Variants in PBX1 observed in about 807,000 individuals in gnomAD.
The protein encoded by PBX1 is PBX homeobox 1.
Under a neutral mutation model 53.4 loss-of-function variants are expected in PBX1, and 6 were observed. The observed-to-expected ratio is 0.11, with a 90% confidence interval of 0.06 to 0.22. The LOEUF (loss-of-function observed/expected upper bound fraction) is 0.22. PBX1 is among the 10% of genes least tolerant of loss of function. The pLI, the probability that PBX1 is intolerant of heterozygous loss-of-function variation, is 1.00. For missense variants in PBX1, 251 were observed against 551.4 expected (o/e 0.46, Z 5.46); for synonymous variants, 204 against 212.3 (o/e 0.96, Z 0.34).
Position 164,651,959 on chromosome 1 carries a change from G to A in PBX1, c.265+88648G>A, listed in dbSNP as rs947940457. On this transcript the variant is annotated intron_variant, in intron 2 of 8. Coordinates refer to ENST00000420696, the MANE Select transcript of PBX1 (RefSeq NM_002585.4). ...TGTGTGTGTGTGTGTGTGTGTGTGT[G>A]TGTGTGTGTGTAAGGAAAAGTAGAA... The A allele has an allele frequency of 1.3e-4, 20 of 153,048 alleles. 1 individual carries two copies. Among genetic ancestry groups the A allele is most frequent in the Non-Finnish European group, 4.3e-5 (3 of 69,020 alleles). The allele number at this position is 153,048 out of a possible 1,614,324, so 9.5% of individuals were successfully genotyped here.
At chr1:164,638,218 G>T (rs1179417946) in intron 2 of PBX1, among the ~76,000 whole-genome samples, 4 of 152,214 alleles carry the variant, frequency 2.6e-5, no homozygotes, top group African/African-American at 9.6e-5. Flanking sequence ...GGTCACTTGC[G>T]CAGATTTCTG....
chr1:164,875,624 C>T (rs1672484820), intron 2 of PBX1, among the ~76,000 whole-genome samples: 1 of 152,076 alleles, frequency 6.6e-6, no homozygotes, highest in African/African-American at 2.4e-5. Context: ...AGATGAGTCC[C>T]ACCTTGGGCA....
chr1:164,569,234 T>C (rs537705804), intron 2 of PBX1, among the ~76,000 whole-genome samples: 3 of 152,302 alleles, frequency 2.0e-5, no homozygotes, highest in Admixed American at 1.3e-4. Flanking sequence ...TCCTAGATCT[T>C]TTACTTCTTA....
intron 2 of PBX1, among the ~76,000 whole-genome samples, chr1:164,649,150 T>C (rs1396771482): frequency 6.6e-6 from 1 of 152,170 alleles, no homozygotes; most frequent in East Asian, 1.9e-4. Context: ...CCCACCGCCA[T>C]GCGCTTAGTC....
chr1:164,727,367 TA>T, intron 2 of PBX1, among the ~76,000 whole-genome samples: 1 of 152,206 alleles, frequency 6.6e-6, no homozygotes, highest in Non-Finnish European at 1.5e-5. Flanking sequence ...TTAATAAAAC[TA>T]AATCAGGTTA....
intron 2 of PBX1, among the ~76,000 whole-genome samples, chr1:164,605,766 A>C (rs1656504685): frequency 6.6e-6 from 1 of 152,222 alleles, no homozygotes; most frequent in Admixed American, 6.5e-5. Flanking sequence ...GGTTTAAATA[A>C]ACAAACTTTT....
chr1:164,770,375 C>G (rs953514626), intron 2 of PBX1: 1 of 152,184 alleles, frequency 6.6e-6, no homozygotes, highest in South Asian at 2.1e-4. Context: ...GTTGGGAAAT[C>G]TTCATAATCA....
chr1:164,619,806 A>T (rs1468456410), intron 2 of PBX1, among the ~76,000 whole-genome samples: 1 of 152,192 alleles, frequency 6.6e-6, no homozygotes, highest in African/African-American at 2.4e-5. Context: ...GTAGGGCTGG[A>T]AGCAATTTTT....
At chr1:164,720,380 A>T (rs966513090) in intron 2 of PBX1, among the ~76,000 whole-genome samples, 4 of 152,082 alleles carry the variant, frequency 2.6e-5, no homozygotes, top group African/African-American at 9.7e-5. Context: ...CTTTTACTGT[A>T]TGTGAAGTCA....
chr1:164,817,862 G>A (rs1669954818), intron 6 of PBX1: 1 of 152,206 alleles, frequency 6.6e-6, no homozygotes, highest in South Asian at 2.1e-4. Flanking sequence ...TTATGTTTAG[G>A]CTAGATTTAC....
chr1:164,796,410 G>T (rs190453090), intron 3 of PBX1, among the ~76,000 whole-genome samples: 1 of 152,152 alleles, frequency 6.6e-6, no homozygotes, highest in Non-Finnish European at 1.5e-5. Flanking sequence ...TTATCTTGTG[G>T]CTTTGTAGGA....
intron 4 of PBX1, among the ~76,000 whole-genome samples, chr1:164,801,102 T>C (rs1333214708): frequency 1.3e-5 from 2 of 152,196 alleles, no homozygotes; most frequent in East Asian, 3.8e-4. Context: ...GAATATAACA[T>C]GAGAATGCCG....
intron 2 of PBX1, among the ~76,000 whole-genome samples, chr1:164,632,612 A>G (rs966050735): frequency 3.9e-5 from 6 of 152,214 alleles, no homozygotes; most frequent in Non-Finnish European, 5.9e-5. Flanking sequence ...CGTGGATTCA[A>G]CACTGTGCAA....
At chr1:164,784,920 CAATAATATCTTACCTTCAATACA>C (rs1476373084) in intron 2 of PBX1, among the ~76,000 whole-genome samples, 2 of 152,196 alleles carry the variant, frequency 1.3e-5, no homozygotes, top group African/African-American at 4.8e-5. Flanking sequence ...GGCTTAAAAA[CAATAATATCTTACCTTCAATACA>C]AATCCCCCAC....
chr1:164,624,734 A>G (rs930317032), intron 2 of PBX1, among the ~76,000 whole-genome samples: 5 of 152,074 alleles, frequency 3.3e-5, no homozygotes, highest in African/African-American at 1.2e-4. Context: ...GGTTTTTTTT[A>G]TTCATGTGTA....
intron 2 of PBX1, among the ~76,000 whole-genome samples, chr1:164,870,333 C>CTT (rs1238655562): frequency 3.9e-4 from 41 of 105,294 alleles, no homozygotes; most frequent in Non-Finnish European, 6.2e-4. Flanking sequence ...TTCTTTCTTT[C>CTT]TTTCTTTCTT....
At chr1:164,812,188 G>T in intron 6 of PBX1, 39 bp downstream of exon 6, 1 of 1,569,840 alleles carries the variant, frequency 6.4e-7, no homozygotes, top group Non-Finnish European at 8.7e-7. Flanking sequence ...GGAAGGAATT[G>T]TTCTCCATTT....
intron 2 of PBX1, among the ~76,000 whole-genome samples, chr1:164,780,323 G>T (rs1387497414): frequency 6.6e-6 from 1 of 152,152 alleles, no homozygotes; most frequent in Non-Finnish European, 1.5e-5. Context: ...GATGTTTGCC[G>T]CAGATGCTAA....
intron 2 of PBX1, chr1:164,683,765 T>TTC (rs1553229929): frequency 6.6e-6 from 1 of 151,520 alleles, no homozygotes; most frequent in Non-Finnish European, 1.5e-5. Flanking sequence ...TTTTTTTTTT[T>TTC]CAGTATTGAT....
Sources: allele counts gnomAD v4.1 joint callset (sites outside exome capture counted in the v4.1 genomes callset), GRCh38; gene constraint gnomAD v4.1.1; transcripts MANE v1.5; gene names NCBI Gene and HGNC (gene_info 2026-07-23, HGNC 2026-07-21).